The following GNS variants were observed in gnomAD, a reference collection of about 807,000 sequenced individuals.
The protein encoded by GNS is N-acetylglucosamine-6-sulfatase.
In GNS, 40 loss-of-function variants were observed where a neutral mutation model predicts 69.7. The observed-to-expected ratio is 0.57, with a 90% CI of 0.45 to 0.75. GNS has a LOEUF of 0.75. GNS is among the 30% of genes least tolerant of loss of function. GNS has a pLI of 0.00. For synonymous variants in GNS, 243 were observed against 251.6 expected (o/e 0.97, Z 0.32); for missense variants, 565 against 685.5 (o/e 0.82, Z 1.96).
rs1217090569 is a variant in GNS at position 64,729,046 on chromosome 12, G to C, written c.1110C>G (p.Ala370=). Residue 370 remains alanine, a synonymous_variant, in exon 10 of 14, where the codon GCC becomes GCG. Transcript: ENST00000258145. ...KPNQTSKMLV[A]NIDLGPTILD... ...AAATAGTAGGACCCAAGTCAATGTT[G>C]GCAACCAGCATCTATGAGAATGAGG... is the stretch of plus-strand genomic sequence containing the variant. 1 of 1,564,426 alleles carries C rather than the reference G, an allele frequency of 6.4e-7. No individual in the cohort carries two copies. Among genetic ancestry groups the C allele is most frequent in the Non-Finnish European group, 8.8e-7 (1 of 1,135,060 alleles).
intron 9 of GNS, among the ~76,000 whole-genome samples, chr12:64,736,684 C>G (rs867006963): frequency 6.6e-6 from 1 of 152,220 alleles, no homozygotes; most frequent in South Asian, 2.1e-4. Flanking sequence ...CATTTTTCTT[C>G]TTCAGTTTCG....
chr12:64,721,513 A>C, intron 12 of GNS, 82 bp downstream of exon 12: 1 of 786,550 alleles, frequency 1.3e-6, no homozygotes, highest in Non-Finnish European at 2.4e-6. Flanking sequence ...CAGCCTTGGA[A>C]TTGCTCTTAT....
chr12:64,752,199 C>T (rs1160425529), intron 2 of GNS, among the ~76,000 whole-genome samples: 1 of 152,148 alleles, frequency 6.6e-6, no homozygotes, highest in Non-Finnish European at 1.5e-5. Context: ...TTAAACATAA[C>T]ACTATGCTAC....
intron 8 of GNS, among the ~76,000 whole-genome samples, chr12:64,737,586 A>G (rs561895993): frequency 1.2e-4 from 19 of 152,262 alleles, no homozygotes; most frequent in Non-Finnish European, 1.3e-4. Flanking sequence ...TACAAAATCA[A>G]TATTTTGCAG....
At chr12:64,750,984 G>T (rs191972049) in intron 2 of GNS, among the ~76,000 whole-genome samples, 1 of 152,214 alleles carries the variant, frequency 6.6e-6, no homozygotes, top group Admixed American at 6.5e-5. Context: ...CTTACCACTC[G>T]CATCATTTTG....
At position 64,752,763 on chromosome 12, in the gene GNS, A is replaced by G. The variant is rs1870119528; in HGVS notation, c.193-6T>C. 1 of 1,382,172 alleles carries G rather than the reference A, an allele frequency of 7.2e-7. No homozygotes were observed. Among genetic ancestry groups the G allele is most frequent in the Non-Finnish European group, 1.0e-6 (1 of 971,910 alleles). 85.6% of individuals were successfully genotyped at this position (1,382,172 alleles called of 1,614,324 possible). ...TTGGTTTTCTTTAGCGGTGTCTGTA[A>G]AAGTAAGTAATTATCCATTAAACAA... On this transcript the variant is annotated splice_region_variant and splice_polypyrimidine_tract_variant and intron_variant, in intron 1 of 13. Transcript: ENST00000258145.
chr12:64,727,325 A>G (rs1869236049), intron 10 of GNS, among the ~76,000 whole-genome samples: 1 of 145,482 alleles, frequency 6.9e-6, no homozygotes, highest in Non-Finnish European at 1.5e-5. Context: ...AGTCCTAGCT[A>G]CTGGGGAGGC....
chr12:64,716,797 T>G lies in GNS; in HGVS notation c.1603A>C (p.Met535Leu). ...DPGYRFDPRL[M>L]FSNRGSVRTR... is the part of the protein sequence containing the mutation. ...CTGACACTGCCGCGATTGCTGAACA[T>G]GAGACGGGGGTCAAACCTGTATCTG... The change falls in exon 14 of 14, where the codon ATG (methionine) becomes CTG (leucine). Residue 535 changes from methionine (M) to leucine (L), a missense_variant. This residue lies in a region of GNS where 384 missense variants were observed against 511.0 expected (regional missense o/e 0.75). Transcript: ENST00000258145. The G allele has an allele frequency of 6.2e-7, 1 of 1,612,998 alleles. No homozygotes were observed. The highest frequency in any genetic ancestry group is 2.2e-5 in the East Asian group (1 of 44,874).
chr12:64,747,887 C>G lies in GNS; in HGVS notation c.284G>C (p.Arg95Thr), dbSNP rs1297841623. Residue 95 changes from arginine (R) to threonine (T), a missense_variant, in exon 3 of 14, where the codon AGA (arginine) becomes ACA (threonine). Physicochemically the swap from Arg to Thr is moderately conservative, Grantham distance 71. Transcript: ENST00000258145. ...YVPSALCCPS[R>T]ASILTGKYPH... ...GTACTTTCCTGTCAGGATACTGGCT[C>G]TGCTGGGGCAGCAGAGAGCACTTGG... The G allele has an allele frequency of 6.2e-7, 1 of 1,610,220 alleles. No homozygotes were observed. Among genetic ancestry groups the G allele is most frequent in the East Asian group, 2.2e-5 (1 of 44,848 alleles).
chr12:64,757,620 A>T (rs1027903013), intron 1 of GNS, among the ~76,000 whole-genome samples: 1 of 152,226 alleles, frequency 6.6e-6, no homozygotes, highest in Non-Finnish European at 1.5e-5. Flanking sequence ...CAGCTATAAA[A>T]GACTCTCAAG....
At chr12:64,724,986 C>T (rs1592493832) in intron 10 of GNS, among the ~76,000 whole-genome samples, 1 of 152,162 alleles carries the variant, frequency 6.6e-6, no homozygotes, top group East Asian at 1.9e-4. Context: ...GTCAAAGTGT[C>T]CAGAGGAGAA....
rs1036841344 is a variant in GNS at position 64,714,463 on chromosome 12, T to G, written c.*2278A>C. On this transcript the variant is annotated 3_prime_UTR_variant, in exon 14 of 14. Transcript: ENST00000258145. Reference sequence around the variant, plus strand: ...TACGCTATAAACTGAGGTCTCTTTATGAAAGATTATTTTAGCACAAATTCA... The same window carrying G: ...TACGCTATAAACTGAGGTCTCTTTAGGAAAGATTATTTTAGCACAAATTCA... 3.9e-5 allele frequency: 6 copies of G among 152,164 alleles called. No individual in the cohort carries two copies. The highest frequency in any genetic ancestry group is 1.4e-4 in the African/African-American group (6 of 41,426). The allele number at this position is 152,164 out of a possible 1,614,324, so 9.4% of individuals were successfully genotyped here.
rs774658444 is a variant in GNS, at chr12:64,720,138, G to A, written c.1464C>T (p.Ile488=). The change falls in exon 13 of 14, where the codon ATC becomes ATT. Residue 488 remains isoleucine, a synonymous_variant. Coordinates refer to ENST00000258145, the MANE Select transcript of GNS (RefSeq NM_002076.4). ...VYNLTADPDQ[I]TNIAKTIDPE... The stretch of plus-strand genomic sequence containing the variant: ...GGTCTATGGTTTTAGCAATGTTAGT[G>A]ATCTGGTCTGGGTCTGCAGTCAGAT... 3.1e-6 allele frequency: 5 copies of A among 1,603,484 alleles called. No homozygotes were observed. The highest frequency in any genetic ancestry group is 4.3e-6 in the Non-Finnish European group (5 of 1,170,422).
At chr12:64,745,204 CTTTTTTTTTTTT>C (rs141453545) in intron 4 of GNS, among the ~76,000 whole-genome samples, 56 of 42,354 alleles carry the variant, frequency 1.3e-3, no homozygotes, top group African/African-American at 2.1e-3. Flanking sequence ...AGTCAATAGA[CTTTTTTTTTTTT>C]TTTTTTTTTT....
intron 11 of GNS, among the ~76,000 whole-genome samples, chr12:64,722,160 G>C (rs1869050732): frequency 6.6e-6 from 1 of 151,960 alleles, no homozygotes. Context: ...GAGTAGCACA[G>C]GCATGCACCA....
chr12:64,743,142 G>C lies in GNS; in HGVS notation c.791C>G (p.Thr264Arg). The C allele has an allele frequency of 1.2e-6, 2 of 1,608,546 alleles. No homozygotes were observed. The highest frequency in any genetic ancestry group is 1.7e-6 in the Non-Finnish European group (2 of 1,175,072). ...AATACAAGTGGTGGGGGAAGCTACC[G>C]TTCCATGGATGTTGAAGTTCTTGTT... The part of the protein sequence containing the change: ...PRNKNFNIHG[T>R]NKHWLIRQAK... The change falls in exon 6 of 14, where the codon ACG becomes AGG. Residue 264 changes from threonine (T) to arginine (R), a missense_variant and splice_region_variant. This residue lies in a region of GNS where 384 missense variants were observed against 511.0 expected (regional missense o/e 0.75). Transcript: ENST00000258145.
intron 2 of GNS, among the ~76,000 whole-genome samples, chr12:64,751,951 CAAAAAAAAA>C (rs570528616): frequency 3.1e-5 from 2 of 64,826 alleles, no homozygotes; most frequent in African/African-American, 1.3e-4. Flanking sequence ...TTGCGCCACT[CAAAAAAAAA>C]AAAAAAAAAA....
chr12:64,739,556 T>C (rs1357372496), intron 7 of GNS, 57 bp from the exon 8 acceptor site: 17 of 694,874 alleles, frequency 2.4e-5, no homozygotes, highest in Non-Finnish European at 3.9e-5. Context: ...GAGGTATCAC[T>C]ATCTTGCCAA....
intron 10 of GNS, among the ~76,000 whole-genome samples, chr12:64,726,894 TA>T (rs1298230307): frequency 6.7e-6 from 1 of 149,512 alleles, no homozygotes; most frequent in African/African-American, 2.5e-5. Flanking sequence ...CAAAAAGGCA[TA>T]AATGAAAAGT....
Sources: gnomAD v4.1 joint callset for allele counts (sites outside exome capture counted in the v4.1 genomes callset) on GRCh38, gnomAD v4.1.1 for gene constraint, gnomAD v4.1.1 regional missense constraint, MANE v1.5 for transcripts, NCBI Gene and HGNC (gene_info 2026-07-23, HGNC 2026-07-21) for gene names.